SCAPER: variants seen among roughly 807,000 people sequenced by gnomAD.
SCAPER encodes the protein S phase cyclin A-associated protein in the endoplasmic reticulum.
A neutral mutation model predicts 182.2 loss-of-function variants in SCAPER; 98 were observed. The ratio of observed to expected loss-of-function variants is 0.54; its 90% CI spans 0.46 to 0.64. The LOEUF (loss-of-function observed/expected upper bound fraction) is 0.64, where lower values mean the gene tolerates loss of function less well. Ranked by LOEUF, SCAPER falls within the 30% of genes least tolerant of loss-of-function variation. The pLI is 0.00. For missense variants in SCAPER, 1,432 were observed against 1,690.0 expected, an observed-to-expected ratio of 0.85 and a Z score of 2.68; for synonymous variants, 605 against 564.6, an observed-to-expected ratio of 1.07 and a Z score of -1.01.
At chr15:76,572,891 T>C (rs1013954961) in intron 23 of SCAPER, among the ~76,000 whole-genome samples, 1 of 140,026 alleles carries the variant, frequency 7.1e-6, no homozygotes, top group African/African-American at 2.8e-5. Context: ...TTGCGTGCAC[T>C]CTCTCTCTCT....
At chr15:76,757,714 C>A (rs893803399) in intron 14 of SCAPER, among the ~76,000 whole-genome samples, 1 of 152,148 alleles carries the variant, frequency 6.6e-6, no homozygotes, top group African/African-American at 2.4e-5. Flanking sequence ...TACTAATTTA[C>A]ATTCCTACCA....
intron 23 of SCAPER, among the ~76,000 whole-genome samples, chr15:76,547,233 G>C (rs1433537361): frequency 6.6e-6 from 1 of 152,138 alleles, no homozygotes; most frequent in Non-Finnish European, 1.5e-5. Context: ...TTTTGCCAAA[G>C]AAGTGGGACT....
intron 1 of SCAPER, among the ~76,000 whole-genome samples, chr15:76,888,531 A>G (rs1056745750): frequency 6.6e-6 from 1 of 152,228 alleles, no homozygotes; most frequent in Non-Finnish European, 1.5e-5. Context: ...TGACGCATGC[A>G]TAAGCCTCAG....
chr15:76,761,724 G>A (rs756097053), intron 14 of SCAPER, among the ~76,000 whole-genome samples: 6 of 152,106 alleles, frequency 3.9e-5, no homozygotes, highest in Admixed American at 6.6e-5. Flanking sequence ...TCTGAAGAAC[G>A]TTTCATGCGC....
chr15:76,349,730 A>AAGG (rs2040411131), intron 31 of SCAPER: 1 of 151,934 alleles, frequency 6.6e-6, no homozygotes, highest in Non-Finnish European at 1.5e-5. Context: ...CAAAGGAGAG[A>AAGG]CCAATTCCCC....
chr15:76,851,870 C>T (rs2070790808), intron 4 of SCAPER, among the ~76,000 whole-genome samples: 2 of 152,044 alleles, frequency 1.3e-5, no homozygotes, highest in African/African-American at 4.8e-5. Flanking sequence ...TAAATGCCCC[C>T]ACTTAAAAGG....
At chr15:76,700,991 G>T (rs972902560) in intron 20 of SCAPER, among the ~76,000 whole-genome samples, 1 of 151,478 alleles carries the variant, frequency 6.6e-6, no homozygotes, top group South Asian at 2.1e-4. Context: ...TACAACAAAT[G>T]ATCTATATTA....
chr15:76,733,140 T>C lies in SCAPER; in HGVS notation c.2022+89A>G, dbSNP rs115726815. On this transcript the variant is annotated intron_variant, in intron 16 of 31. Transcript: ENST00000563290. Reference sequence around the variant, plus strand: ...TTCTACAATCTCCCATCTCCGCACATGGGGAGAAAAACCCACCGACCCTGC... The same window carrying C: ...TTCTACAATCTCCCATCTCCGCACACGGGGAGAAAAACCCACCGACCCTGC... The C allele has an allele frequency of 7.6e-3, 8,840 of 1,163,060 alleles. 47 individuals carry two copies. The highest frequency in any genetic ancestry group is 9.0e-3 in the Non-Finnish European group (7,515 of 832,176). 72.0% of individuals were successfully genotyped at this position (1,163,060 alleles called of 1,614,324 possible). A position where few individuals can be genotyped will look rare whatever the true frequency, so the allele number is the denominator to read the frequency against.
intron 8 of SCAPER, among the ~76,000 whole-genome samples, chr15:76,794,150 G>T (rs148428735): frequency 6.6e-6 from 1 of 152,218 alleles, no homozygotes; most frequent in South Asian, 2.1e-4. Context: ...GACGAAACTG[G>T]TCCAAAATAA....
intron 27 of SCAPER, among the ~76,000 whole-genome samples, chr15:76,393,391 A>G (rs2043839918): frequency 6.6e-6 from 1 of 152,182 alleles, no homozygotes; most frequent in African/African-American, 2.4e-5. Flanking sequence ...CATTCACTTC[A>G]TTGCCTATCT....
At chr15:76,722,494 A>T (rs936751330) in intron 17 of SCAPER, among the ~76,000 whole-genome samples, 1 of 152,160 alleles carries the variant, frequency 6.6e-6, no homozygotes, top group African/African-American at 2.4e-5. Context: ...ATAGTTTCAG[A>T]AGGAATGGTA....
At chr15:76,592,829 A>G (rs1364211731) in intron 22 of SCAPER, among the ~76,000 whole-genome samples, 3 of 121,824 alleles carry the variant, frequency 2.5e-5, no homozygotes, top group African/African-American at 7.6e-5. Flanking sequence ...CAACCCGCAG[A>G]CCAGGAGATT....
intron 23 of SCAPER, among the ~76,000 whole-genome samples, chr15:76,569,905 T>C (rs1052519490): frequency 2.0e-5 from 3 of 152,122 alleles, no homozygotes; most frequent in African/African-American, 7.2e-5. Context: ...AATATTTATA[T>C]CTTTGATCAT....
chr15:76,610,989 G>A (rs540321612), intron 22 of SCAPER, among the ~76,000 whole-genome samples: 1 of 152,240 alleles, frequency 6.6e-6, no homozygotes, highest in African/African-American at 2.4e-5. Context: ...GAACAGAACT[G>A]AAGGCATCAC....
At chr15:76,789,212 T>A (rs2064832585) in intron 8 of SCAPER, among the ~76,000 whole-genome samples, 1 of 152,148 alleles carries the variant, frequency 6.6e-6, no homozygotes, top group African/African-American at 2.4e-5. Flanking sequence ...CATTTATGCT[T>A]TATCCTTTAA....
intron 20 of SCAPER, among the ~76,000 whole-genome samples, chr15:76,668,882 G>C (rs1168052478): frequency 6.6e-6 from 1 of 152,114 alleles, no homozygotes; most frequent in Non-Finnish European, 1.5e-5. Flanking sequence ...TATTACACAA[G>C]ATACATTGAG....
chr15:76,695,651 C>T (rs2058619029), intron 20 of SCAPER, among the ~76,000 whole-genome samples: 1 of 151,386 alleles, frequency 6.6e-6, no homozygotes, highest in African/African-American at 2.4e-5. Flanking sequence ...TTTTCCTTGA[C>T]CTAATAAGTG....
intron 1 of SCAPER, among the ~76,000 whole-genome samples, chr15:76,887,237 G>A (rs1013716664): frequency 6.6e-6 from 1 of 152,192 alleles, no homozygotes; most frequent in African/African-American, 2.4e-5. Flanking sequence ...CAGCATAAGT[G>A]ACACAGAAGA....
intron 8 of SCAPER, among the ~76,000 whole-genome samples, chr15:76,783,141 C>A (rs1470318462): frequency 6.6e-6 from 1 of 151,726 alleles, no homozygotes; most frequent in Non-Finnish European, 1.5e-5. Flanking sequence ...ACTAGCAAGA[C>A]TAACAAAGAA....
Sources: gnomAD v4.1 joint callset for allele counts (sites outside exome capture counted in the v4.1 genomes callset) on GRCh38, gnomAD v4.1.1 for gene constraint, MANE v1.5 for transcripts, NCBI Gene and HGNC (gene_info 2026-07-23, HGNC 2026-07-21) for gene names.